EPHA3: variants seen among roughly 807,000 people sequenced by gnomAD.
The protein encoded by EPHA3 is ephrin type-A receptor 3.
A neutral mutation model predicts 107.1 loss-of-function variants in EPHA3; 42 were observed. The observed-to-expected ratio is 0.39, with a 90% CI of 0.31 to 0.51. The LOEUF (loss-of-function observed/expected upper bound fraction) is 0.51, where lower values mean the gene tolerates loss of function less well. Ranked by LOEUF, EPHA3 falls within the 20% of genes least tolerant of loss-of-function variation. The probability of loss-of-function intolerance (pLI) is 0.78; values close to 1 mark genes in which losing one functional copy is unlikely to be tolerated. For missense variants in EPHA3, 1,183 were observed against 1,211.2 expected (o/e 0.98, Z 0.35); for synonymous variants, 461 against 424.8 (o/e 1.09, Z -1.05).
At chr3:89,215,493 T>C (rs1704201429) in intron 3 of EPHA3, among the ~76,000 whole-genome samples, 1 of 151,926 alleles carries the variant, frequency 6.6e-6, no homozygotes, top group African/African-American at 2.4e-5. Context: ...TTGTTCTGTA[T>C]ATACTGCAAA....
intron 2 of EPHA3, among the ~76,000 whole-genome samples, chr3:89,171,645 C>T (rs1705211858): frequency 6.6e-6 from 1 of 152,112 alleles, no homozygotes; most frequent in East Asian, 1.9e-4. Context: ...CTTTAGGGTA[C>T]AACTTCAGAG....
At chr3:89,272,572 G>A (rs894533658) in intron 3 of EPHA3, among the ~76,000 whole-genome samples, 10 of 151,920 alleles carry the variant, frequency 6.6e-5, no homozygotes, top group Admixed American at 5.3e-4. Context: ...GTGCCCATGT[G>A]TTTGCTCTTA....
At chr3:89,294,641 T>A (rs1048843029) in intron 3 of EPHA3, among the ~76,000 whole-genome samples, 2 of 141,508 alleles carry the variant, frequency 1.4e-5, no homozygotes, top group Non-Finnish European at 3.0e-5. Context: ...ATTTTTCATA[T>A]CAGGCATTTT....
intron 5 of EPHA3, among the ~76,000 whole-genome samples, chr3:89,382,717 A>G (rs1313776117): frequency 6.6e-6 from 1 of 152,128 alleles, no homozygotes; most frequent in African/African-American, 2.4e-5. Flanking sequence ...GACTGTCTCT[A>G]GCAGTCTGGT....
At chr3:89,127,449 T>C (rs1229586736) in intron 2 of EPHA3, among the ~76,000 whole-genome samples, 176 bp downstream of exon 2, 16 of 152,036 alleles carry the variant, frequency 1.1e-4, no homozygotes, top group Non-Finnish European at 7.4e-5. Context: ...ATGGAGCTAG[T>C]GAGAATTTTG....
chr3:89,248,718 G>T (rs1380334949), intron 3 of EPHA3, among the ~76,000 whole-genome samples: 1 of 152,148 alleles, frequency 6.6e-6, no homozygotes, highest in East Asian at 1.9e-4. Context: ...CAGGAATTTG[G>T]TTGTGGCAAT....
At chr3:89,115,230 C>A (rs1707224211) in intron 1 of EPHA3, among the ~76,000 whole-genome samples, 1 of 150,814 alleles carries the variant, frequency 6.6e-6, no homozygotes, top group Admixed American at 6.6e-5. Context: ...TGTCGCTAGA[C>A]TAAAATGAAG....
chr3:89,232,665 C>G (rs1347552672), intron 3 of EPHA3, among the ~76,000 whole-genome samples: 13 of 151,944 alleles, frequency 8.6e-5, no homozygotes, highest in African/African-American at 2.9e-4. Context: ...TAATTTTATG[C>G]CAGATTAAAT....
rs115617202 is a variant in EPHA3 at position 89,156,706 on chromosome 3, T to C, written c.153+29433T>C. On this transcript the variant is annotated intron_variant, in intron 2 of 16. Coordinates refer to ENST00000336596, the MANE Select transcript of EPHA3 (RefSeq NM_005233.6). Reference sequence around the variant, plus strand: ...TTAGTTAGCAAATTAACCAAAAAAGTTAGTGTGCAAAAGCTAAAAGATGTT... The same window carrying C: ...TTAGTTAGCAAATTAACCAAAAAAGCTAGTGTGCAAAAGCTAAAAGATGTT... 5.3e-3 allele frequency among the ~76,000 whole-genome samples: 804 copies of C among 152,064 alleles called. 8 individuals are homozygous for C. The highest frequency in any genetic ancestry group is 0.018 in the African/African-American group (747 of 41,506).
chr3:89,296,638 A>C (rs1030890693), intron 3 of EPHA3, among the ~76,000 whole-genome samples: 2 of 152,140 alleles, frequency 1.3e-5, no homozygotes, highest in African/African-American at 2.4e-5. Context: ...TCAGAATGGC[A>C]AATGTGTGTT....
intron 3 of EPHA3, among the ~76,000 whole-genome samples, chr3:89,248,457 C>T (rs1464610244): frequency 1.3e-5 from 2 of 152,184 alleles, no homozygotes; most frequent in East Asian, 1.9e-4. Flanking sequence ...GCCCAGTTGC[C>T]AGAACTTTGT....
At chr3:89,149,974 T>A (rs1704654146) in intron 2 of EPHA3, among the ~76,000 whole-genome samples, 2 of 152,006 alleles carry the variant, frequency 1.3e-5, no homozygotes, top group Admixed American at 6.6e-5. Context: ...TATATTTCTG[T>A]GTACAAGTAC....
At chr3:89,470,610 G>A (rs1188106651) in intron 15 of EPHA3, among the ~76,000 whole-genome samples, 1 of 152,166 alleles carries the variant, frequency 6.6e-6, no homozygotes, top group Admixed American at 6.5e-5. Context: ...AGGCCTTACG[G>A]TTCCAGTATC....
chr3:89,435,566 G>C (rs1298613138), intron 13 of EPHA3, among the ~76,000 whole-genome samples: 1 of 142,058 alleles, frequency 7.0e-6, no homozygotes, highest in Non-Finnish European at 1.5e-5. Flanking sequence ...ATACTATATA[G>C]TATATATAAT....
chr3:89,420,702 T>C (rs772281230), intron 11 of EPHA3, among the ~76,000 whole-genome samples: 6 of 151,618 alleles, frequency 4.0e-5, no homozygotes, highest in Middle Eastern at 3.4e-3. Context: ...AGTTACAGTA[T>C]CATGTCTCAT....
At chr3:89,431,877 A>C (rs1345316941) in intron 13 of EPHA3, among the ~76,000 whole-genome samples, 9 of 152,172 alleles carry the variant, frequency 5.9e-5, no homozygotes, top group Non-Finnish European at 1.0e-4. Context: ...ATTTTTCTTC[A>C]TACTCATATG....
chr3:89,443,473 A>G (rs572633557), intron 13 of EPHA3, among the ~76,000 whole-genome samples: 4 of 152,336 alleles, frequency 2.6e-5, no homozygotes, highest in African/African-American at 9.6e-5. Flanking sequence ...GATTTAAGAA[A>G]ATAAACTATT....
At chr3:89,133,677 G>A (rs556730974) in intron 2 of EPHA3, among the ~76,000 whole-genome samples, 2 of 152,290 alleles carry the variant, frequency 1.3e-5, no homozygotes, top group Admixed American at 6.5e-5. Context: ...GTGTCATTGG[G>A]CATTGTCGTG....
At chr3:89,304,551 C>T (rs1356015674) in intron 3 of EPHA3, among the ~76,000 whole-genome samples, 1 of 152,010 alleles carries the variant, frequency 6.6e-6, no homozygotes, top group Non-Finnish European at 1.5e-5. Context: ...AGGCCAGGAA[C>T]AGTCTTTTCC....
Sources: gnomAD v4.1 joint callset for allele counts (sites outside exome capture counted in the v4.1 genomes callset) on GRCh38, gnomAD v4.1.1 for gene constraint, MANE v1.5 for transcripts, NCBI Gene and HGNC (gene_info 2026-07-23, HGNC 2026-07-21) for gene names.